AGBL4: variants seen among roughly 807,000 people sequenced by gnomAD.
AGBL4 encodes cytosolic carboxypeptidase 6.
Under a neutral mutation model 66.4 loss-of-function variants are expected in AGBL4, and 58 were observed. That is an observed-to-expected ratio of 0.87 (90% CI 0.71 to 1.09). The LOEUF (loss-of-function observed/expected upper bound fraction) is 1.09, where lower values mean the gene tolerates loss of function less well. Among genes scored for constraint, AGBL4 ranks in the 50% least tolerant of loss-of-function variants. AGBL4 has a pLI of 0.00. For synonymous variants in AGBL4, 234 were observed against 222.9 expected, an observed-to-expected ratio of 1.05 and a Z score of -0.44; for missense variants, 579 against 631.0, an observed-to-expected ratio of 0.92 and a Z score of 0.88.
chr1:48,634,443 C>T (rs1172379489), intron 9 of AGBL4, 50 bp downstream of exon 9: 2 of 1,452,498 alleles, frequency 1.4e-6, no homozygotes, highest in East Asian at 4.9e-5. Flanking sequence ...GCTGCCCTTT[C>T]CCAGATCAAG....
chr1:49,210,713 A>AT (rs1474444671), intron 4 of AGBL4, among the ~76,000 whole-genome samples: 1 of 152,042 alleles, frequency 6.6e-6, no homozygotes, highest in Non-Finnish European at 1.5e-5. Context: ...ATGAAAATAA[A>AT]TGTTGCCCCT....
In AGBL4 at chr1:48,777,088, A is replaced by G. The variant is rs752700956; in HGVS notation, c.634+90103T>C. ...GCGGATGAGGGGGGTTTGGAAGCGC[A>G]CTGCCACTTGCAAAGTCAGACCCGA... On this transcript the variant is annotated intron_variant, in intron 6 of 13. Transcript: ENST00000371839. 3.7e-4 allele frequency: 144 copies of G among 388,166 alleles called. 1 individual carries two copies. Among genetic ancestry groups the G allele is most frequent in the Non-Finnish European group, 5.0e-4 (111 of 220,692 alleles). The allele number at this position is 388,166 out of a possible 1,614,324, so 24.0% of individuals were successfully genotyped here.
intron 3 of AGBL4, among the ~76,000 whole-genome samples, chr1:49,333,086 A>G (rs1337184005): frequency 6.6e-6 from 1 of 152,124 alleles, no homozygotes; most frequent in Non-Finnish European, 1.5e-5. Context: ...GTCTGTTCAT[A>G]TCCTTTGCCA....
intron 1 of AGBL4, among the ~76,000 whole-genome samples, chr1:49,896,475 A>C (rs34056301): frequency 0.42 from 63,663 of 151,352 alleles, 15,827 homozygotes; most frequent in Non-Finnish European, 0.56. Context: ...GATGAATTTT[A>C]CCAAATATTT....
At chr1:49,480,720 C>T (rs748478096) in intron 3 of AGBL4, among the ~76,000 whole-genome samples, 1 of 151,990 alleles carries the variant, frequency 6.6e-6, no homozygotes, top group Non-Finnish European at 1.5e-5. Context: ...CCCCTGCTTA[C>T]GTCCTGAATT....
chr1:49,756,762 T>C (rs1651916038), intron 2 of AGBL4, among the ~76,000 whole-genome samples: 1 of 152,194 alleles, frequency 6.6e-6, no homozygotes, highest in South Asian at 2.1e-4. Context: ...CTTCTTGCCA[T>C]CATGTGAAGA....
At chr1:49,013,948 C>T (rs1662636040) in intron 5 of AGBL4, among the ~76,000 whole-genome samples, 1 of 152,146 alleles carries the variant, frequency 6.6e-6, no homozygotes, top group African/African-American at 2.4e-5. Flanking sequence ...TTCTTGTCCT[C>T]TTTTATATTA....
At chr1:48,810,910 G>C (rs1272053512) in intron 6 of AGBL4, among the ~76,000 whole-genome samples, 1 of 151,986 alleles carries the variant, frequency 6.6e-6, no homozygotes, top group Non-Finnish European at 1.5e-5. Context: ...TTGGTAAAAG[G>C]CCCAGGTTTT....
chr1:48,780,654 C>T (rs1645270741), intron 6 of AGBL4, among the ~76,000 whole-genome samples: 1 of 152,118 alleles, frequency 6.6e-6, no homozygotes, highest in Admixed American at 6.5e-5. Context: ...GTTTGACAAA[C>T]CTGACAAAAA....
chr1:49,335,730 T>C (rs939443422), intron 3 of AGBL4, among the ~76,000 whole-genome samples: 6 of 152,122 alleles, frequency 3.9e-5, no homozygotes, highest in Non-Finnish European at 7.4e-5. Flanking sequence ...TTAGTCAGGA[T>C]GGTCTCAATC....
intron 6 of AGBL4, among the ~76,000 whole-genome samples, chr1:48,773,001 G>A (rs1278394826): frequency 1.3e-5 from 2 of 152,006 alleles, no homozygotes; most frequent in Non-Finnish European, 2.9e-5. Context: ...CTACATAGCA[G>A]GACATGAAAA....
At chr1:49,782,522 T>C (rs1166908639) in intron 2 of AGBL4, among the ~76,000 whole-genome samples, 1 of 152,166 alleles carries the variant, frequency 6.6e-6, no homozygotes, top group Admixed American at 6.5e-5. Flanking sequence ...TGTGATGTAC[T>C]AGGAGGTAGC....
chr1:48,773,247 C>T (rs1890728), intron 6 of AGBL4, among the ~76,000 whole-genome samples: 198 of 151,744 alleles, frequency 1.3e-3, no homozygotes, highest in Middle Eastern at 3.4e-3. Flanking sequence ...GTTTGAGCCT[C>T]CTAAAAAAAA....
At chr1:49,215,367 T>G (rs576084150) in intron 4 of AGBL4, among the ~76,000 whole-genome samples, 1 of 152,158 alleles carries the variant, frequency 6.6e-6, no homozygotes, top group East Asian at 1.9e-4. Flanking sequence ...CTTATGAATA[T>G]TCCTCCTGCA....
intron 2 of AGBL4, among the ~76,000 whole-genome samples, chr1:49,779,712 G>A (rs989868580): frequency 1.3e-5 from 2 of 152,108 alleles, no homozygotes; most frequent in African/African-American, 4.8e-5. Context: ...GTCTGATGTA[G>A]GGAATGCAGT....
At chr1:49,543,209 C>T (rs1449872050) in intron 3 of AGBL4, among the ~76,000 whole-genome samples, 1 of 152,070 alleles carries the variant, frequency 6.6e-6, no homozygotes, top group Non-Finnish European at 1.5e-5. Flanking sequence ...GATCTATTCT[C>T]CTCAATAAGC....
At chr1:49,902,782 A>C (rs1388287963) in intron 1 of AGBL4, among the ~76,000 whole-genome samples, 2 of 152,116 alleles carry the variant, frequency 1.3e-5, no homozygotes, top group African/African-American at 2.4e-5. Context: ...GAGAAATGCA[A>C]ATCAAAAACC....
intron 2 of AGBL4, among the ~76,000 whole-genome samples, chr1:49,698,898 A>G (rs1320295150): frequency 6.6e-6 from 1 of 152,082 alleles, no homozygotes; most frequent in African/African-American, 2.4e-5. Flanking sequence ...TCCAATAATA[A>G]TCCACCATAT....
chr1:48,736,219 G>T lies in AGBL4; in HGVS notation c.635-72978C>A, dbSNP rs1309346787. 2 of 1,602,500 alleles carry T rather than the reference G, an allele frequency of 1.2e-6. No individual in the cohort carries two copies. Among genetic ancestry groups the T allele is most frequent in the Admixed American group, 3.3e-5 (2 of 59,946 alleles). On this transcript the variant is annotated intron_variant, in intron 6 of 13. Coordinates refer to ENST00000371839, the MANE Select transcript of AGBL4 (RefSeq NM_032785.4). This position sits in a 1 kb window ranked among gnomAD's most constrained non-coding sequence, Gnocchi z 4.0. ...TAAAAGACAGAATCCCAGCCATTGTGTTTCCACTCAGTGACCTACCTCTGA... is the reference window on the plus strand; with the variant it reads ...TAAAAGACAGAATCCCAGCCATTGTTTTTCCACTCAGTGACCTACCTCTGA...
Sources: gnomAD v4.1 joint callset for allele counts (sites outside exome capture counted in the v4.1 genomes callset) on GRCh38, gnomAD v4.1.1 for gene constraint, Gnocchi (gnomAD v3.1) non-coding constraint, MANE v1.5 for transcripts, NCBI Gene and HGNC (gene_info 2026-07-23, HGNC 2026-07-21) for gene names.